The following PKIG variants were observed in gnomAD, a reference collection of about 807,000 sequenced individuals.
PKIG encodes cAMP-dependent protein kinase inhibitor gamma.
A neutral mutation model predicts 6.8 loss-of-function variants in PKIG; 1 was observed. That is an observed-to-expected ratio of 0.15 (90% CI 0.05 to 0.69). The LOEUF (loss-of-function observed/expected upper bound fraction) is 0.69, where lower values mean the gene tolerates loss of function less well. Ranked by LOEUF, PKIG falls within the 30% of genes least tolerant of loss-of-function variation. The pLI, the probability that PKIG is intolerant of heterozygous loss-of-function variation, is 0.82. For synonymous variants in PKIG, 39 were observed against 43.0 expected, an observed-to-expected ratio of 0.91 and a Z score of 0.36; for missense variants, 77 against 104.0, an observed-to-expected ratio of 0.74 and a Z score of 1.13.
chr20:44,608,270 T>C (rs2065184884), intron 2 of PKIG, among the ~76,000 whole-genome samples: 1 of 152,236 alleles, frequency 6.6e-6, no homozygotes, highest in African/African-American at 2.4e-5. Context: ...AAATTACTTA[T>C]AAAAATATTA....
At chr20:44,554,907 A>G (rs577722173) in intron 1 of PKIG, among the ~76,000 whole-genome samples, 10 of 152,276 alleles carry the variant, frequency 6.6e-5, no homozygotes, top group African/African-American at 1.9e-4. Flanking sequence ...CATCTTATTG[A>G]TTTACTTTTG....
At chr20:44,554,077 T>A (rs533941916) in intron 1 of PKIG, among the ~76,000 whole-genome samples, 45 of 137,632 alleles carry the variant, frequency 3.3e-4, no homozygotes, top group South Asian at 2.7e-3. Flanking sequence ...TAAAAAAAAA[T>A]TTTTTTTTTT....
chr20:44,564,209 T>G (rs184762613), intron 1 of PKIG: 1 of 152,304 alleles, frequency 6.6e-6, no homozygotes, highest in East Asian at 1.9e-4. Context: ...TAATTTTGAC[T>G]GTGGAGAAGG....
intron 3 of PKIG, among the ~76,000 whole-genome samples, chr20:44,616,488 G>T (rs7266968): frequency 0.033 from 5,022 of 152,290 alleles, 116 homozygotes; most frequent in Non-Finnish European, 0.045. Flanking sequence ...CTCAGCTCTG[G>T]TGAGCTCTGT....
chr20:44,532,645 G>T (rs982353095), intron 1 of PKIG, among the ~76,000 whole-genome samples: 31 of 152,184 alleles, frequency 2.0e-4, no homozygotes, highest in Admixed American at 2.0e-4. Flanking sequence ...CATACAGGGG[G>T]GCTGTGAATG....
chr20:44,560,782 G>A (rs1020335430), intron 1 of PKIG, among the ~76,000 whole-genome samples: 1 of 152,182 alleles, frequency 6.6e-6, no homozygotes, highest in Non-Finnish European at 1.5e-5. Flanking sequence ...ATGCCATCAG[G>A]CAGCTGGCAG....
intron 1 of PKIG, among the ~76,000 whole-genome samples, chr20:44,566,953 A>G (rs576231010): frequency 1.1e-3 from 175 of 152,356 alleles, no homozygotes; most frequent in Middle Eastern, 6.8e-3. Flanking sequence ...TGTTCCATTC[A>G]TGAATTATCC....
chr20:44,537,225 C>T (rs1375700795), intron 1 of PKIG, among the ~76,000 whole-genome samples: 1 of 152,234 alleles, frequency 6.6e-6, no homozygotes, highest in Non-Finnish European at 1.5e-5. Flanking sequence ...ATGCCTCAGC[C>T]TCCTGAGTAG....
intron 2 of PKIG, among the ~76,000 whole-genome samples, chr20:44,610,452 GTCTC>G (rs910220013): frequency 6.6e-5 from 9 of 136,328 alleles, no homozygotes; most frequent in Admixed American, 4.3e-4. Flanking sequence ...CCTCTTCTCT[GTCTC>G]TCTCTTTCTC....
At chr20:44,586,629 ACT>A (rs1261615760) in intron 1 of PKIG, among the ~76,000 whole-genome samples, 4 of 152,134 alleles carry the variant, frequency 2.6e-5, no homozygotes, top group Admixed American at 2.0e-4. Flanking sequence ...GGCCCAATTA[ACT>A]CTGCCAAATG....
chr20:44,599,562 A>G (rs1311161221), intron 2 of PKIG, among the ~76,000 whole-genome samples: 4 of 151,960 alleles, frequency 2.6e-5, no homozygotes, highest in South Asian at 4.1e-4. Flanking sequence ...TCTCTACTAA[A>G]AGTACAAAAA....
chr20:44,596,079 T>C (rs977327048), intron 2 of PKIG, among the ~76,000 whole-genome samples: 1 of 152,216 alleles, frequency 6.6e-6, no homozygotes, highest in Non-Finnish European at 1.5e-5. Context: ...AAAATCTATA[T>C]GTCAGGAGCT....
intron 2 of PKIG, among the ~76,000 whole-genome samples, chr20:44,610,496 T>TCACACACA (rs1466815546): frequency 7.2e-5 from 8 of 111,514 alleles, no homozygotes; most frequent in African/African-American, 3.6e-4. Flanking sequence ...TCTCTCTCTC[T>TCACACACA]CTCTCACACA....
chr20:44,569,431 G>A (rs552578028), intron 1 of PKIG, among the ~76,000 whole-genome samples: 1 of 152,160 alleles, frequency 6.6e-6, no homozygotes, highest in African/African-American at 2.4e-5. Flanking sequence ...ATTCAGAACA[G>A]AAAGATATAG....
chr20:44,596,947 C>T (rs1166623932), intron 2 of PKIG, among the ~76,000 whole-genome samples: 1 of 152,218 alleles, frequency 6.6e-6, no homozygotes, highest in Non-Finnish European at 1.5e-5. Context: ...ACCTCCTCTC[C>T]CATTCACTGC....
At chr20:44,577,767 A>G (rs556580359), upstream of PKIG, among the ~76,000 whole-genome samples, 220 of 152,318 alleles carry the variant, frequency 1.4e-3, 3 homozygotes, top group South Asian at 0.026. Flanking sequence ...TGTGTGGACT[A>G]GAAAGTGGGT....
Position 44,614,645 on chromosome 20 carries a change from CAG to C in PKIG, c.92_93del (p.Glu31GlyfsTer207). On this transcript the variant is annotated frameshift_variant, in exon 3 of 4. Transcript: ENST00000372886. LOFTEE classifies it high-confidence loss of function. The surrounding 1 kb of genome is among the most constrained non-coding windows in gnomAD (Gnocchi z 4.6). ...GCGGTCCCTGACATCCAGGGAGACT[CAG>C]AGGCTGTGAGCGTGAGGAAGCTGGC... 6.2e-7 allele frequency: 1 copy of C among 1,614,068 alleles called. No homozygotes were observed. The highest frequency in any genetic ancestry group is 8.5e-7 in the Non-Finnish European group (1 of 1,180,024).
intron 1 of PKIG, among the ~76,000 whole-genome samples, chr20:44,552,935 TAG>T (rs1190920164): frequency 2.0e-5 from 3 of 152,180 alleles, no homozygotes; most frequent in Non-Finnish European, 4.4e-5. Flanking sequence ...GTTCCCTTTT[TAG>T]AGTCAATGAT....
At chr20:44,543,735 T>A (rs1407944550) in intron 1 of PKIG, among the ~76,000 whole-genome samples, 1 of 152,048 alleles carries the variant, frequency 6.6e-6, no homozygotes, top group Non-Finnish European at 1.5e-5. Flanking sequence ...CAGATTTATG[T>A]ATGGCACCCA....
Sources: allele counts gnomAD v4.1 joint callset (sites outside exome capture counted in the v4.1 genomes callset), GRCh38; gene constraint gnomAD v4.1.1; non-coding constraint Gnocchi (gnomAD v3.1); transcripts MANE v1.5; gene names NCBI Gene and HGNC (gene_info 2026-07-23, HGNC 2026-07-21).